CNTN3: variants seen among roughly 807,000 people sequenced by gnomAD.
CNTN3 encodes the protein contactin 3, also known as contactin-3.
A neutral mutation model predicts 119.1 loss-of-function variants in CNTN3; 60 were observed. That is an observed-to-expected ratio of 0.50 (90% CI 0.41 to 0.62). The LOEUF (loss-of-function observed/expected upper bound fraction) is 0.62, where lower values mean the gene tolerates loss of function less well. Among genes scored for constraint, CNTN3 ranks in the 20% least tolerant of loss-of-function variants. CNTN3 has a pLI of 0.00. For synonymous variants in CNTN3, 450 were observed against 438.7 expected (o/e 1.03, Z -0.32); for missense variants, 1,101 against 1,242.4 (o/e 0.89, Z 1.71).
chr3:74,396,731 C>T (rs948623284), intron 5 of CNTN3, among the ~76,000 whole-genome samples: 11 of 114,972 alleles, frequency 9.6e-5, no homozygotes, highest in Admixed American at 3.8e-4. Context: ...GGCGACAGAG[C>T]GAGATTCCGC....
intron 5 of CNTN3, among the ~76,000 whole-genome samples, chr3:74,407,264 AT>A (rs753215277): frequency 0.075 from 7,925 of 105,200 alleles, 174 homozygotes; most frequent in Middle Eastern, 0.13. Flanking sequence ...CAAATATTCT[AT>A]TTTTTTTTTT....
intron 1 of CNTN3, among the ~76,000 whole-genome samples, chr3:74,542,250 T>C (rs964046688): frequency 1.3e-5 from 2 of 152,284 alleles, no homozygotes; most frequent in African/African-American, 4.8e-5. Context: ...TAGCATACTC[T>C]AGCCTCTTCA....
At chr3:74,463,474 C>T (rs2106980144) in intron 4 of CNTN3, among the ~76,000 whole-genome samples, 1 of 152,156 alleles carries the variant, frequency 6.6e-6, no homozygotes, top group African/African-American at 2.4e-5. Context: ...ATCCATGGTT[C>T]TTTCTCTCAT....
chr3:74,369,186 C>A lies in CNTN3; in HGVS notation c.946+3G>T. 1.9e-6 allele frequency: 3 copies of A among 1,586,084 alleles called. No homozygotes were observed. Among genetic ancestry groups the A allele is most frequent in the Non-Finnish European group, 2.6e-6 (3 of 1,167,714 alleles). On this transcript the variant is annotated splice_donor_region_variant and intron_variant, in intron 8 of 22. Transcript: ENST00000263665. ...CTCCAATTTGCCCAAAGCAGATGCT[C>A]ACCATAGTAAGTGAGACGCCCTCTG... is the stretch of plus-strand genomic sequence containing the variant.
At chr3:74,597,512 T>C (rs1196704086) in intron 1 of CNTN3, among the ~76,000 whole-genome samples, 4 of 152,056 alleles carry the variant, frequency 2.6e-5, no homozygotes, top group Admixed American at 2.0e-4. Context: ...CACTTAATTA[T>C]TCATGATATT....
rs554527597 is a variant in CNTN3 at position 74,391,097 on chromosome 3, G to A, written c.455-19698C>T. 3.9e-5 allele frequency among the ~76,000 whole-genome samples: 6 copies of A among 152,268 alleles called. No individual in the cohort carries two copies. The South Asian group carries it at 1.2e-3, about 32-fold the overall frequency. ...TGGATTTGGCAGCCCCATAAAACAT[G>A]ATGACCATCTCGAGATTTACATGGA... On this transcript the variant is annotated intron_variant, in intron 5 of 22. Coordinates refer to ENST00000263665, the MANE Select transcript of CNTN3 (RefSeq NM_020872.3).
At chr3:74,612,479 T>C (rs1450053223) in intron 1 of CNTN3, among the ~76,000 whole-genome samples, 1 of 152,192 alleles carries the variant, frequency 6.6e-6, no homozygotes, top group Non-Finnish European at 1.5e-5. Context: ...CTTAACATCT[T>C]CATGTCTTCG....
chr3:74,577,153 T>G (rs1190715337), intron 1 of CNTN3, among the ~76,000 whole-genome samples: 2 of 152,096 alleles, frequency 1.3e-5, no homozygotes, highest in African/African-American at 4.8e-5. Flanking sequence ...CGACCTAAAT[T>G]TAGGAAAAAT....
chr3:74,579,553 T>C lies in CNTN3; in HGVS notation c.-81+34838A>G, dbSNP rs150369742. Reference sequence around the variant, plus strand: ...AACAAGTTTCAAAAACATCACCCAATTGAAATAATAAATAGTATGTTATGT... The same window carrying C: ...AACAAGTTTCAAAAACATCACCCAACTGAAATAATAAATAGTATGTTATGT... On this transcript the variant is annotated intron_variant, in intron 1 of 22. Transcript: ENST00000263665. 4.3e-3 allele frequency among the ~76,000 whole-genome samples: 649 copies of C among 152,012 alleles called. 7 individuals carry two copies. Among genetic ancestry groups the C allele is most frequent in the African/African-American group, 0.014 (599 of 41,486 alleles).
At chr3:74,295,054 T>A in intron 19 of CNTN3, 67 bp downstream of exon 19, 1 of 1,099,250 alleles carries the variant, frequency 9.1e-7, no homozygotes, top group Non-Finnish European at 1.3e-6. Flanking sequence ...TTGTTAAGGG[T>A]TTTAAATTCA....
At chr3:74,433,167 T>C (rs565589668) in intron 4 of CNTN3, among the ~76,000 whole-genome samples, 2 of 152,220 alleles carry the variant, frequency 1.3e-5, no homozygotes, top group East Asian at 1.9e-4. Context: ...TCCAGAATCA[T>C]CCATTTGAAA....
At chr3:74,491,333 T>C (rs935071641) in intron 3 of CNTN3, among the ~76,000 whole-genome samples, 8 of 112,800 alleles carry the variant, frequency 7.1e-5, no homozygotes, top group South Asian at 5.1e-4. Flanking sequence ...AAACCATCTT[T>C]ACAAAAAAAA....
chr3:74,356,217 C>T (rs1486303374), intron 11 of CNTN3, among the ~76,000 whole-genome samples: 1 of 152,092 alleles, frequency 6.6e-6, no homozygotes, highest in Non-Finnish European at 1.5e-5. Context: ...TGTTCTTAGA[C>T]TTCCCAGCCT....
At chr3:74,588,346 C>T (rs1380243785) in intron 1 of CNTN3, among the ~76,000 whole-genome samples, 1 of 152,002 alleles carries the variant, frequency 6.6e-6, no homozygotes, top group African/African-American at 2.4e-5. Flanking sequence ...GAGTGAACTC[C>T]CGTTCACAAT....
At chr3:74,469,500 T>A (rs575001950) in intron 4 of CNTN3, among the ~76,000 whole-genome samples, 177 of 152,122 alleles carry the variant, frequency 1.2e-3, no homozygotes, top group African/African-American at 4.1e-3. Flanking sequence ...AACAACTCAA[T>A]AATAAAAAGA....
intron 4 of CNTN3, among the ~76,000 whole-genome samples, chr3:74,430,626 T>C (rs1701767605): frequency 6.6e-6 from 1 of 151,894 alleles, no homozygotes; most frequent in South Asian, 2.1e-4. Context: ...GTTGCCAATG[T>C]TTAGGGAAAG....
chr3:74,442,882 C>T (rs1701990173), intron 4 of CNTN3, among the ~76,000 whole-genome samples: 1 of 152,108 alleles, frequency 6.6e-6, no homozygotes, highest in Admixed American at 6.5e-5. Context: ...GTGACTTGTC[C>T]AAGGTCACAC....
chr3:74,438,694 C>A (rs370522898), intron 4 of CNTN3, among the ~76,000 whole-genome samples: 1 of 152,084 alleles, frequency 6.6e-6, no homozygotes, highest in African/African-American at 2.4e-5. Context: ...GAATTCAACA[C>A]GAGAGTCTTA....
chr3:74,486,603 T>A lies in CNTN3; in HGVS notation c.211A>T (p.Met71Leu). The change falls in exon 4 of 23, where the codon ATG becomes TTG. Residue 71 changes from methionine to leucine, a missense_variant. Physicochemically the swap from Met to Leu is conservative, Grantham distance 15. Transcript: ENST00000263665. ...RWQLNGSDID[M>L]SMEHRYKLNG... The stretch of plus-strand genomic sequence containing the variant: ...AACTTATAACGATGTTCCATACTCA[T>A]ATCAATATCACTTCCATTCAGCTGC... 6.3e-7 allele frequency: 1 copy of A among 1,578,816 alleles called. No individual in the cohort carries two copies. The highest frequency in any genetic ancestry group is 8.6e-7 in the Non-Finnish European group (1 of 1,168,612).
Sources: gnomAD v4.1 joint callset for allele counts (sites outside exome capture counted in the v4.1 genomes callset) on GRCh38, gnomAD v4.1.1 for gene constraint, MANE v1.5 for transcripts, NCBI Gene and HGNC (gene_info 2026-07-23, HGNC 2026-07-21) for gene names.